ERBB4: variants seen among roughly 807,000 people sequenced by gnomAD.
ERBB4 encodes erb-b2 receptor tyrosine kinase 4.
In ERBB4, 42 loss-of-function variants were observed where a neutral mutation model predicts 158.0. The ratio of observed to expected loss-of-function variants is 0.27; its 90% CI spans 0.21 to 0.34. The LOEUF (loss-of-function observed/expected upper bound fraction) is 0.34. ERBB4 is among the 10% of genes least tolerant of loss of function. ERBB4 has a pLI of 1.00. For synonymous variants in ERBB4, 583 were observed against 558.7 expected, an observed-to-expected ratio of 1.04 and a Z score of -0.61; for missense variants, 1,333 against 1,624.1, an observed-to-expected ratio of 0.82 and a Z score of 3.08.
At chr2:212,476,521 T>C (rs768590065) in intron 1 of ERBB4, among the ~76,000 whole-genome samples, 29 of 152,158 alleles carry the variant, frequency 1.9e-4, no homozygotes, top group Non-Finnish European at 4.1e-4. Context: ...GTACTTCATA[T>C]TGCATTGAAT....
intron 20 of ERBB4, among the ~76,000 whole-genome samples, chr2:211,543,617 T>A (rs1384490284): frequency 6.6e-6 from 1 of 151,928 alleles, no homozygotes; most frequent in African/African-American, 2.4e-5. Context: ...ACTTGGAGAA[T>A]CTCAGTATTT....
chr2:211,871,968 T>C (rs1186502642), intron 3 of ERBB4, among the ~76,000 whole-genome samples: 1 of 152,046 alleles, frequency 6.6e-6, no homozygotes, highest in East Asian at 1.9e-4. Flanking sequence ...ATGCAGAGGG[T>C]ACAGGAAGCA....
intron 1 of ERBB4, among the ~76,000 whole-genome samples, chr2:212,452,127 G>A (rs1388844887): frequency 2.0e-5 from 3 of 151,884 alleles, no homozygotes; most frequent in African/African-American, 7.3e-5. Flanking sequence ...GTTATGTGTG[G>A]AATGAAGGGG....
At chr2:212,367,575 A>G (rs1574780837) in intron 1 of ERBB4, among the ~76,000 whole-genome samples, 1 of 152,252 alleles carries the variant, frequency 6.6e-6, no homozygotes, top group East Asian at 1.9e-4. Flanking sequence ...ATGAAAACAA[A>G]GATAAATAGC....
At chr2:211,560,879 A>G (rs1280403833) in intron 20 of ERBB4, among the ~76,000 whole-genome samples, 2 of 152,138 alleles carry the variant, frequency 1.3e-5, no homozygotes, top group African/African-American at 4.8e-5. Flanking sequence ...TCTTTTTTCT[A>G]TAATGTGCTT....
chr2:212,053,786 A>G (rs912510735), intron 2 of ERBB4, among the ~76,000 whole-genome samples: 3 of 152,070 alleles, frequency 2.0e-5, no homozygotes, highest in Admixed American at 6.5e-5. Flanking sequence ...TATCTTCTTT[A>G]TCTGGCTAAA....
intron 1 of ERBB4, among the ~76,000 whole-genome samples, chr2:212,415,188 G>T (rs1007494411): frequency 6.6e-6 from 1 of 152,112 alleles, no homozygotes; most frequent in Admixed American, 6.6e-5. Flanking sequence ...CAAGAACTGG[G>T]AAAGGAAATA....
intron 1 of ERBB4, among the ~76,000 whole-genome samples, chr2:212,375,205 G>A (rs1332129732): frequency 6.6e-6 from 1 of 152,020 alleles, no homozygotes; most frequent in Non-Finnish European, 1.5e-5. Flanking sequence ...AGAAGTCTCA[G>A]ATTATGGAGA....
At chr2:211,710,367 G>A (rs1468243278) in intron 9 of ERBB4, among the ~76,000 whole-genome samples, 1 of 152,050 alleles carries the variant, frequency 6.6e-6, no homozygotes, top group Non-Finnish European at 1.5e-5. Flanking sequence ...CATTCATGTG[G>A]TATTTGGTTT....
At position 212,211,371 on chromosome 2, in the gene ERBB4, C is replaced by T. The variant is rs146933375; in HGVS notation, c.83-86468G>A. Among the ~76,000 whole-genome samples the T allele has an allele frequency of 2.6e-3, 389 of 152,214 alleles. 1 individual carries two copies. The highest frequency in any genetic ancestry group is 8.1e-3 in the African/African-American group (336 of 41,568). ...GCTTCTGATAACATCCTACATAGCA[C>T]CTGTGCTGCAAAAGACTCAGCTTTC... On this transcript the variant is annotated intron_variant, in intron 1 of 27. Transcript: ENST00000342788.
intron 5 of ERBB4, among the ~76,000 whole-genome samples, chr2:211,730,175 T>C (rs1308767354): frequency 1.3e-5 from 2 of 151,978 alleles, no homozygotes; most frequent in Non-Finnish European, 1.5e-5. Flanking sequence ...CTTCTTTCAA[T>C]ATAATGATAA....
At chr2:212,397,084 C>T (rs7560905) in intron 1 of ERBB4, among the ~76,000 whole-genome samples, 87,051 of 151,976 alleles carry the variant, frequency 0.57, 26,163 homozygotes, top group African/African-American at 0.74. Context: ...TACCATACTT[C>T]TTCTATTGTT....
chr2:212,160,527 G>GA (rs922502335), intron 1 of ERBB4, among the ~76,000 whole-genome samples: 8 of 151,862 alleles, frequency 5.3e-5, no homozygotes, highest in African/African-American at 1.7e-4. Context: ...TGAAAACAAT[G>GA]AAAAATAAAA....
intron 20 of ERBB4, among the ~76,000 whole-genome samples, chr2:211,444,165 T>C (rs1213784498): frequency 6.6e-6 from 1 of 151,958 alleles, no homozygotes; most frequent in East Asian, 1.9e-4. Context: ...TTCACTTTAA[T>C]GTTTAAAAGA....
intron 2 of ERBB4, among the ~76,000 whole-genome samples, chr2:212,106,574 A>T (rs2125529792): frequency 6.6e-6 from 1 of 152,354 alleles, no homozygotes; most frequent in Middle Eastern, 3.4e-3. Flanking sequence ...TTCTGAGGAG[A>T]AATCCAAGCC....
In ERBB4 at chr2:212,345,727, CTT is replaced by C. The variant is rs367945375; in HGVS notation, c.82+192720_82+192721del. Among the ~76,000 whole-genome samples, 153 of 152,026 alleles carry C rather than the reference CTT, an allele frequency of 1.0e-3. 2 individuals are homozygous for C. In the East Asian group the frequency reaches 0.028, roughly 28 times the overall value. ...GTTAAGAAATTAGGTAAAATGAAAA[CTT>C]TATCAAAGTTGATTTTAACTGGCTA... On this transcript the variant is annotated intron_variant, in intron 1 of 27. Coordinates refer to ENST00000342788, the MANE Select transcript of ERBB4 (RefSeq NM_005235.3).
At chr2:212,523,008 G>A (rs1171602401) in intron 1 of ERBB4, among the ~76,000 whole-genome samples, 2 of 151,868 alleles carry the variant, frequency 1.3e-5, no homozygotes. Context: ...TCTTCATACA[G>A]GGGAACCAAA....
rs1972820 is a variant in ERBB4 at position 211,378,697 on chromosome 2, G to A, written c.*4918C>T. ...ACTGATAATGATCTTTTAAAATTAT[G>A]CCTGATCTCATCTGTATAATATTTG... On this transcript the variant is annotated 3_prime_UTR_variant, in exon 28 of 28. Transcript: ENST00000342788. 0.64 allele frequency: 148,414 copies of A among 231,946 alleles called. 47,721 individuals are homozygous for A. The highest frequency in any genetic ancestry group is 0.78 in the South Asian group (4,319 of 5,510). 14.4% of individuals were successfully genotyped at this position (231,946 alleles called of 1,614,324 possible).
chr2:211,653,574 G>C (rs2071090696), intron 16 of ERBB4, among the ~76,000 whole-genome samples: 1 of 150,570 alleles, frequency 6.6e-6, no homozygotes, highest in Non-Finnish European at 1.5e-5. Flanking sequence ...TGGCCACATT[G>C]ACATGCTCAA....
Sources: allele counts gnomAD v4.1 joint callset (sites outside exome capture counted in the v4.1 genomes callset), GRCh38; gene constraint gnomAD v4.1.1; transcripts MANE v1.5; gene names NCBI Gene and HGNC (gene_info 2026-07-23, HGNC 2026-07-21).